Variants in RABGEF1 observed in about 807,000 individuals in gnomAD.
The protein encoded by RABGEF1 is RAB guanine nucleotide exchange factor 1.
A neutral mutation model predicts 57.3 loss-of-function variants in RABGEF1; 26 were observed. The observed-to-expected ratio is 0.45, with a 90% confidence interval of 0.33 to 0.63. The LOEUF (loss-of-function observed/expected upper bound fraction) is 0.63. RABGEF1 is among the 20% of genes least tolerant of loss of function. RABGEF1 has a pLI of 0.02. For synonymous variants in RABGEF1, 185 were observed against 210.7 expected, an observed-to-expected ratio of 0.88 and a Z score of 1.06; for missense variants, 464 against 607.6, an observed-to-expected ratio of 0.76 and a Z score of 2.48.
upstream of RABGEF1, among the ~76,000 whole-genome samples, chr7:66,681,849 G>A (rs111942630): frequency 2.8e-3 from 428 of 152,298 alleles, 1 homozygote; most frequent in African/African-American, 9.9e-3. Flanking sequence ...CCGCGGTGCC[G>A]GCGTCGCCCT....
chr7:66,711,864 G>A (rs1794825152), intron 1 of RABGEF1, among the ~76,000 whole-genome samples: 1 of 152,118 alleles, frequency 6.6e-6, no homozygotes, highest in South Asian at 2.1e-4. Flanking sequence ...GGGATTACAG[G>A]TGTGAGCCAC....
intron 1 of RABGEF1, among the ~76,000 whole-genome samples, chr7:66,766,014 C>T (rs1049624203): frequency 1.1e-4 from 16 of 152,132 alleles, no homozygotes; most frequent in African/African-American, 3.9e-4. Flanking sequence ...TTGCCCATTT[C>T]TCTTGGAAGG....
intron 1 of RABGEF1, among the ~76,000 whole-genome samples, chr7:66,710,252 G>GATAT (rs1467248240): frequency 1.8e-4 from 27 of 152,034 alleles, no homozygotes; most frequent in Non-Finnish European, 2.2e-4. Flanking sequence ...CCATTGATTG[G>GATAT]ATATACCACA....
chr7:66,744,659 C>G (rs185108906), intron 1 of RABGEF1, among the ~76,000 whole-genome samples: 93 of 139,316 alleles, frequency 6.7e-4, no homozygotes, highest in Middle Eastern at 3.6e-3. Context: ...CAGAGCCAGA[C>G]TCCGTCTCAA....
chr7:66,773,411 C>A (rs1583968977), intron 2 of RABGEF1, among the ~76,000 whole-genome samples: 1 of 152,142 alleles, frequency 6.6e-6, no homozygotes, highest in Admixed American at 6.6e-5. Flanking sequence ...CCGATTCCAC[C>A]CTCAGACTTA....
intron 2 of RABGEF1, among the ~76,000 whole-genome samples, chr7:66,725,681 T>G (rs917828782): frequency 3.9e-5 from 6 of 152,174 alleles, no homozygotes; most frequent in African/African-American, 1.4e-4. Flanking sequence ...GCAGCTCGGA[T>G]AGAAGGCCAC....
chr7:66,716,429 GTC>G (rs1256657543), intron 2 of RABGEF1, among the ~76,000 whole-genome samples: 2 of 152,082 alleles, frequency 1.3e-5, no homozygotes, highest in Admixed American at 1.3e-4. Context: ...ACGAAAACCT[GTC>G]TCTACCAAAA....
chr7:66,738,437 A>G (rs1047860957), upstream of RABGEF1, among the ~76,000 whole-genome samples: 12 of 151,574 alleles, frequency 7.9e-5, no homozygotes, highest in Admixed American at 1.3e-4. Context: ...CCCATTGAAC[A>G]CTCATTCTGG....
At chr7:66,757,526 A>G (rs1803053499) in intron 1 of RABGEF1, among the ~76,000 whole-genome samples, 1 of 152,236 alleles carries the variant, frequency 6.6e-6, no homozygotes, top group Admixed American at 6.5e-5. Flanking sequence ...TGCAGTAATC[A>G]ATCAGTATAT....
the RABGEF1 span, among the ~76,000 whole-genome samples, chr7:66,672,405 C>T: frequency 6.6e-6 from 1 of 152,170 alleles, no homozygotes; most frequent in African/African-American, 2.4e-5. Context: ...GCACTCCAGC[C>T]TGGGAGACAG....
chr7:66,687,494 AAAAAAG>A (rs1180624335), intron 1 of RABGEF1, among the ~76,000 whole-genome samples: 24 of 151,670 alleles, frequency 1.6e-4, no homozygotes, highest in South Asian at 1.5e-3. Context: ...AAAAAAAAAA[AAAAAAG>A]AAAGAAAAAA....
intron 2 of RABGEF1, among the ~76,000 whole-genome samples, chr7:66,718,697 C>T (rs533942205): frequency 6.6e-6 from 1 of 152,296 alleles, no homozygotes; most frequent in African/African-American, 2.4e-5. Context: ...TGAGTATGTA[C>T]CACGCAGTGG....
Position 66,809,220 on chromosome 7 carries a change from A to T in RABGEF1, c.1412A>T (p.Asp471Val). The T allele has an allele frequency of 6.2e-7, 1 of 1,613,234 alleles. No homozygotes were observed. Among genetic ancestry groups the T allele is most frequent in the Non-Finnish European group, 8.5e-7 (1 of 1,179,486 alleles). ...KPPNQPLAAI[D>V]SENVENDKLP... is the part of the protein sequence containing the mutation. ...CCGAATCAACCGTTAGCAGCTATTGACTCTGAAAACGTTGAAAATGATAAA... is the reference window on the plus strand; with the variant it reads ...CCGAATCAACCGTTAGCAGCTATTGTCTCTGAAAACGTTGAAAATGATAAA... Residue 471 changes from aspartate (D) to valine (V), a missense_variant, in exon 9 of 9, where the codon GAC (aspartate) becomes GTC (valine). Transcript: ENST00000284957.
chr7:66,793,888 G>A (rs1171646116), intron 4 of RABGEF1, among the ~76,000 whole-genome samples: 1 of 152,170 alleles, frequency 6.6e-6, no homozygotes, highest in Non-Finnish European at 1.5e-5. Flanking sequence ...TGAGGTCAGT[G>A]GCCTGTGTAG....
At position 66,711,585 on chromosome 7, in the gene RABGEF1, ATTCTT is replaced by A. The variant is rs577502092; in HGVS notation, c.-872-574_-872-570del. 1.9e-3 allele frequency among the ~76,000 whole-genome samples: 294 copies of A among 150,964 alleles called. 3 individuals carry two copies. The highest frequency in any genetic ancestry group is 6.9e-3 in the African/African-American group (286 of 41,178). On this transcript the variant is annotated intron_variant and NMD_transcript_variant, in intron 1 of 9. Coordinates refer to the RABGEF1 transcript ENST00000607882. ...TTCTGTGGGTCTATTTGTATACTCT[ATTCTT>A]TTCTTTTTTTTTTTGAGATGGAGTC... is the stretch of plus-strand genomic sequence containing the variant.
chr7:66,771,710 T>C (rs559735063), intron 1 of RABGEF1, among the ~76,000 whole-genome samples, 173 bp from the exon 2 acceptor site: 2 of 152,224 alleles, frequency 1.3e-5, no homozygotes, highest in Non-Finnish European at 2.9e-5. Context: ...ATTTACTATA[T>C]TTAACATTCT....
chr7:66,667,229 C>T, the RABGEF1 span, among the ~76,000 whole-genome samples: 10 of 152,336 alleles, frequency 6.6e-5, no homozygotes, highest in East Asian at 1.3e-3. Flanking sequence ...CCCTTAGTGC[C>T]TGGCACGGGC....
intron 2 of RABGEF1, among the ~76,000 whole-genome samples, chr7:66,773,498 G>A (rs1282369071): frequency 1.3e-5 from 2 of 152,164 alleles, no homozygotes; most frequent in African/African-American, 2.4e-5. Context: ...CGGAAAGCTT[G>A]TAAAAGCAGT....
At chr7:66,771,513 T>G (rs914281408) in intron 1 of RABGEF1, among the ~76,000 whole-genome samples, 7 of 152,184 alleles carry the variant, frequency 4.6e-5, no homozygotes, top group Non-Finnish European at 1.5e-5. Flanking sequence ...TGGTGTCATA[T>G]CCTAGAAGTC....
Sources: allele counts gnomAD v4.1 joint callset (sites outside exome capture counted in the v4.1 genomes callset), GRCh38; gene constraint gnomAD v4.1.1; transcripts MANE v1.5; gene names NCBI Gene and HGNC (gene_info 2026-07-23, HGNC 2026-07-21).